The following EXOC6B variants were observed in gnomAD, a reference collection of about 807,000 sequenced individuals.
EXOC6B encodes the protein exocyst complex component 6B, also known as SEC15 homolog B.
Under a neutral mutation model 113.5 loss-of-function variants are expected in EXOC6B, and 54 were observed. The observed-to-expected ratio is 0.48, with a 90% CI of 0.38 to 0.60. The LOEUF is 0.60. EXOC6B is among the 20% of genes least tolerant of loss of function. EXOC6B has a pLI of 0.00. For synonymous variants in EXOC6B, 357 were observed against 339.0 expected, an observed-to-expected ratio of 1.05 and a Z score of -0.58; for missense variants, 797 against 977.5, an observed-to-expected ratio of 0.82 and a Z score of 2.46.
At chr2:72,577,174 C>T (rs899050696) in intron 6 of EXOC6B, among the ~76,000 whole-genome samples, 4 of 152,038 alleles carry the variant, frequency 2.6e-5, no homozygotes, top group African/African-American at 9.7e-5. Context: ...GTTAGATTTA[C>T]ATAAATACAT....
Position 72,176,199 on chromosome 2 carries a change from C to G in EXOC6B, c.*3136G>C, listed in dbSNP as rs1309967749. On this transcript the variant is annotated 3_prime_UTR_variant, in exon 22 of 22. Coordinates refer to ENST00000272427, the MANE Select transcript of EXOC6B (RefSeq NM_015189.3). ...ATTTTCTCTATATATGTGCAACTAT[C>G]TGTGTAAAATAAAAATGCCATTTCC... 6.8e-6 allele frequency: 1 copy of G among 147,736 alleles called. No homozygotes were observed. The highest frequency in any genetic ancestry group is 1.5e-5 in the Non-Finnish European group (1 of 67,326). The allele number at this position is 147,736 out of a possible 1,614,324, so 9.2% of individuals were successfully genotyped here.
chr2:72,325,440 C>T (rs1405172880), intron 20 of EXOC6B, among the ~76,000 whole-genome samples: 1 of 152,004 alleles, frequency 6.6e-6, no homozygotes, highest in Admixed American at 6.6e-5. Flanking sequence ...GCCTCTTTAA[C>T]TCATTCATTC....
At chr2:72,318,764 C>T (rs1042115524) in intron 20 of EXOC6B, among the ~76,000 whole-genome samples, 1 of 152,122 alleles carries the variant, frequency 6.6e-6, no homozygotes, top group East Asian at 1.9e-4. Flanking sequence ...GAATAGGGCA[C>T]TAAGAATTGA....
intron 1 of EXOC6B, among the ~76,000 whole-genome samples, chr2:72,816,854 G>T (rs897318054): frequency 6.6e-6 from 1 of 152,150 alleles, no homozygotes; most frequent in African/African-American, 2.4e-5. Flanking sequence ...ACCTCCACTG[G>T]AAGAGCTTCA....
At chr2:72,268,029 T>C (rs751453821) in intron 20 of EXOC6B, among the ~76,000 whole-genome samples, 23 of 152,214 alleles carry the variant, frequency 1.5e-4, no homozygotes, top group Non-Finnish European at 2.8e-4. Flanking sequence ...TGAATGTTTA[T>C]TAATAGAAGA....
At chr2:72,359,014 G>A (rs1372616115) in intron 19 of EXOC6B, among the ~76,000 whole-genome samples, 1 of 152,156 alleles carries the variant, frequency 6.6e-6, no homozygotes, top group Non-Finnish European at 1.5e-5. Context: ...CGGGCACTAT[G>A]CTAAGTCCTA....
intron 16 of EXOC6B, among the ~76,000 whole-genome samples, chr2:72,484,444 G>T (rs1699301241): frequency 6.6e-6 from 1 of 151,508 alleles, no homozygotes; most frequent in South Asian, 2.1e-4. Flanking sequence ...GAGGGCGCCT[G>T]TAGTCCCAGC....
At chr2:72,764,517 A>G (rs1035819129) in intron 1 of EXOC6B, among the ~76,000 whole-genome samples, 2 of 151,574 alleles carry the variant, frequency 1.3e-5, no homozygotes, top group South Asian at 4.2e-4. Context: ...GACTAGAGGC[A>G]TGTGCCACAT....
At chr2:72,366,903 G>A (rs564035695) in intron 19 of EXOC6B, among the ~76,000 whole-genome samples, 3 of 151,634 alleles carry the variant, frequency 2.0e-5, no homozygotes, top group East Asian at 3.9e-4. Flanking sequence ...GTGGAATTGC[G>A]CTATAGTGTA....
intron 18 of EXOC6B, among the ~76,000 whole-genome samples, chr2:72,384,552 C>T (rs1412050750): frequency 1.3e-5 from 2 of 151,822 alleles, no homozygotes; most frequent in Non-Finnish European, 2.9e-5. Flanking sequence ...AAAAAGCATC[C>T]AAATTGAAAA....
intron 8 of EXOC6B, among the ~76,000 whole-genome samples, chr2:72,524,177 A>C (rs1399260409): frequency 6.6e-6 from 1 of 151,724 alleles, no homozygotes; most frequent in Non-Finnish European, 1.5e-5. Flanking sequence ...AAAAACTGAA[A>C]GGGCCATTTT....
At chr2:72,322,044 T>C (rs1471792621) in intron 20 of EXOC6B, among the ~76,000 whole-genome samples, 2 of 152,152 alleles carry the variant, frequency 1.3e-5, no homozygotes, top group African/African-American at 4.8e-5. Context: ...CATACACTTA[T>C]TATAGGCCCA....
intron 2 of EXOC6B, among the ~76,000 whole-genome samples, chr2:72,740,084 T>G (rs546633371): frequency 1.3e-5 from 2 of 152,196 alleles, no homozygotes; most frequent in Non-Finnish European, 2.9e-5. Flanking sequence ...ATTTGATAGC[T>G]TCATGTGATT....
At chr2:72,431,962 C>T (rs1387278047) in intron 18 of EXOC6B, among the ~76,000 whole-genome samples, 2 of 152,164 alleles carry the variant, frequency 1.3e-5, no homozygotes, top group Admixed American at 1.3e-4. Context: ...CATGTCCCTA[C>T]AAAGGACATG....
At chr2:72,658,286 T>TAAAAAAAAAAA (rs60572283) in intron 6 of EXOC6B, among the ~76,000 whole-genome samples, 2 of 58,724 alleles carry the variant, frequency 3.4e-5, no homozygotes, top group Non-Finnish European at 6.3e-5. Context: ...TAAAAACTAG[T>TAAAAAAAAAAA]AAAAAAAAAA....
At chr2:72,599,182 C>T (rs1272808225) in intron 6 of EXOC6B, among the ~76,000 whole-genome samples, 1 of 151,944 alleles carries the variant, frequency 6.6e-6, no homozygotes, top group African/African-American at 2.4e-5. Flanking sequence ...GCAAATCCAA[C>T]AATGTATAAA....
intron 18 of EXOC6B, among the ~76,000 whole-genome samples, chr2:72,391,298 A>G (rs1345974354): frequency 6.8e-6 from 1 of 147,854 alleles, no homozygotes; most frequent in East Asian, 1.9e-4. Context: ...ATTTTTTGAA[A>G]TATATTTTTG....
chr2:72,307,523 G>A (rs1291451308), intron 20 of EXOC6B, among the ~76,000 whole-genome samples: 13 of 152,120 alleles, frequency 8.5e-5, no homozygotes, highest in East Asian at 5.8e-4. Context: ...TGCACTCACC[G>A]TAAGATTTCC....
intron 5 of EXOC6B, among the ~76,000 whole-genome samples, chr2:72,729,963 T>C (rs1431936467): frequency 6.6e-6 from 1 of 152,138 alleles, no homozygotes; most frequent in African/African-American, 2.4e-5. Flanking sequence ...ATTGTATACT[T>C]TTTCCCTCAA....
Sources: allele counts gnomAD v4.1 joint callset (sites outside exome capture counted in the v4.1 genomes callset), GRCh38; gene constraint gnomAD v4.1.1; transcripts MANE v1.5; gene names NCBI Gene and HGNC (gene_info 2026-07-23, HGNC 2026-07-21).